Variants in TTC28 observed in about 807,000 individuals in gnomAD.
The protein encoded by TTC28 is tetratricopeptide repeat protein 28.
TTC28 carries 61 observed loss-of-function variants against 198.0 expected under a neutral mutation model. The observed-to-expected ratio is 0.31, with a 90% CI of 0.25 to 0.38. The LOEUF is 0.38. Among genes scored for constraint, TTC28 ranks in the 10% least tolerant of loss-of-function variants. The pLI is 1.00. For synonymous variants in TTC28, 1,171 were observed against 1,297.8 expected, an observed-to-expected ratio of 0.90 and a Z score of 2.10; for missense variants, 2,678 against 3,164.0, an observed-to-expected ratio of 0.85 and a Z score of 3.69.
chr22:28,162,534 T>C (rs1434468543), intron 6 of TTC28, among the ~76,000 whole-genome samples: 4 of 152,204 alleles, frequency 2.6e-5, no homozygotes, highest in South Asian at 4.1e-4. Context: ...GCTCTTCTCT[T>C]TCTATACATT....
intron 5 of TTC28, among the ~76,000 whole-genome samples, chr22:28,285,313 T>C (rs2044662224): frequency 6.6e-6 from 1 of 152,198 alleles, no homozygotes; most frequent in African/African-American, 2.4e-5. Flanking sequence ...TACTGTACGA[T>C]TTTACTTACA....
rs1184911057 is a variant in TTC28, at chr22:27,980,415, CT to C, written c.*1805del. 6.6e-6 allele frequency: 1 copy of C among 152,196 alleles called. No homozygotes were observed. The highest frequency in any genetic ancestry group is 1.5e-5 in the Non-Finnish European group (1 of 68,036). The allele number at this position is 152,196 out of a possible 1,614,324, so 9.4% of individuals were successfully genotyped here. A position where few individuals can be genotyped will look rare whatever the true frequency, so the allele number is the denominator to read the frequency against. On this transcript the variant is annotated 3_prime_UTR_variant, in exon 23 of 23. Transcript: ENST00000397906. ...TTATTGTTGGCTTTTGTCAACATGG[CT>C]GTTGGTTAAATTAAAAACCCCTAGG... is the stretch of plus-strand genomic sequence containing the variant.
At chr22:28,062,801 C>T (rs549822542) in intron 12 of TTC28, among the ~76,000 whole-genome samples, 7 of 152,120 alleles carry the variant, frequency 4.6e-5, no homozygotes, top group African/African-American at 1.7e-4. Context: ...TGACAAAATG[C>T]CTTATATTTT....
At chr22:28,437,927 C>T (rs1282819791) in intron 2 of TTC28, among the ~76,000 whole-genome samples, 1 of 152,066 alleles carries the variant, frequency 6.6e-6, no homozygotes, top group East Asian at 1.9e-4. Flanking sequence ...TAATGAGGCA[C>T]TAACTATAAC....
chr22:28,391,131 G>T (rs2046711902), intron 2 of TTC28, among the ~76,000 whole-genome samples: 1 of 152,052 alleles, frequency 6.6e-6, no homozygotes, highest in Non-Finnish European at 1.5e-5. Flanking sequence ...GAAATTCTGG[G>T]TTGAAAATTC....
At chr22:28,656,423 C>T (rs2145686614) in intron 1 of TTC28, among the ~76,000 whole-genome samples, 1 of 152,320 alleles carries the variant, frequency 6.6e-6, no homozygotes, top group East Asian at 1.9e-4. Context: ...CCCTCTGCCT[C>T]TTCTAGATCT....
chr22:28,145,056 T>C (rs1176382888), intron 6 of TTC28, among the ~76,000 whole-genome samples: 1 of 152,230 alleles, frequency 6.6e-6, no homozygotes, highest in Non-Finnish European at 1.5e-5. Context: ...CATCAGTTCC[T>C]GTGGCATCAC....
At chr22:28,180,751 T>C (rs535917641) in intron 5 of TTC28, among the ~76,000 whole-genome samples, 6 of 152,264 alleles carry the variant, frequency 3.9e-5, no homozygotes, top group Non-Finnish European at 7.4e-5. Context: ...ACTTCCTGAG[T>C]GGGATCTCTA....
At chr22:28,384,460 C>T (rs531561621) in intron 2 of TTC28, among the ~76,000 whole-genome samples, 1 of 152,196 alleles carries the variant, frequency 6.6e-6, no homozygotes, top group Non-Finnish European at 1.5e-5. Context: ...ATCTTCCATA[C>T]AGTATGTTTA....
intron 12 of TTC28, among the ~76,000 whole-genome samples, chr22:28,048,495 A>G (rs1569106454): frequency 6.6e-6 from 1 of 152,140 alleles, no homozygotes; most frequent in Admixed American, 6.5e-5. Flanking sequence ...ATGGCAGTGT[A>G]GGATATCTGG....
At chr22:28,199,489 C>A (rs992129672) in intron 5 of TTC28, among the ~76,000 whole-genome samples, 1 of 142,086 alleles carries the variant, frequency 7.0e-6, no homozygotes, top group African/African-American at 2.6e-5. Context: ...GCCTGTGCAA[C>A]AGAGCAAGAC....
intron 2 of TTC28, among the ~76,000 whole-genome samples, chr22:28,313,960 A>T (rs767173183): frequency 7.9e-5 from 12 of 152,138 alleles, no homozygotes; most frequent in Non-Finnish European, 1.8e-4. Context: ...TATTGAGAAA[A>T]CCCCAACATC....
intron 2 of TTC28, among the ~76,000 whole-genome samples, chr22:28,411,943 A>G (rs972458411): frequency 3.3e-5 from 5 of 152,198 alleles, no homozygotes; most frequent in Non-Finnish European, 7.3e-5. Context: ...CCCTACATCA[A>G]TGTTATTTCA....
intron 2 of TTC28, among the ~76,000 whole-genome samples, chr22:28,328,569 C>A (rs1377640343): frequency 1.3e-5 from 2 of 151,662 alleles, no homozygotes; most frequent in East Asian, 3.9e-4. Context: ...GCCTGGCCAA[C>A]CCGGTGAAAC....
intron 4 of TTC28, among the ~76,000 whole-genome samples, chr22:28,296,693 A>T (rs1354316125): frequency 6.6e-6 from 1 of 152,130 alleles, no homozygotes; most frequent in Non-Finnish European, 1.5e-5. Flanking sequence ...CAGTCATTTG[A>T]CTCCAAATCT....
intron 13 of TTC28, among the ~76,000 whole-genome samples, chr22:28,016,923 C>T (rs896095040): frequency 6.6e-6 from 1 of 152,190 alleles, no homozygotes; most frequent in African/African-American, 2.4e-5. Context: ...GGCAGGGTAC[C>T]CCTACTGGCA....
intron 12 of TTC28, among the ~76,000 whole-genome samples, chr22:28,042,176 T>C (rs1939666097): frequency 6.6e-6 from 1 of 152,108 alleles, no homozygotes. Context: ...GTGTGGCGAT[T>C]CCTCAAGGAT....
At chr22:28,317,863 G>C (rs1044406999) in intron 2 of TTC28, among the ~76,000 whole-genome samples, 2 of 152,126 alleles carry the variant, frequency 1.3e-5, no homozygotes, top group East Asian at 3.9e-4. Context: ...TAGTCACAGA[G>C]AAGGGTCTCC....
chr22:28,070,791 G>A (rs1034659398), intron 12 of TTC28, among the ~76,000 whole-genome samples: 3 of 152,188 alleles, frequency 2.0e-5, no homozygotes, highest in African/African-American at 7.2e-5. Flanking sequence ...ACCTTGAGGT[G>A]ATAATCAATA....
Sources: gnomAD v4.1 joint callset for allele counts (sites outside exome capture counted in the v4.1 genomes callset) on GRCh38, gnomAD v4.1.1 for gene constraint, MANE v1.5 for transcripts, NCBI Gene and HGNC (gene_info 2026-07-23, HGNC 2026-07-21) for gene names.